The following CEPT1 variants were observed in gnomAD, a reference collection of about 807,000 sequenced individuals.
CEPT1 encodes choline/ethanolaminephosphotransferase 1.
A neutral mutation model predicts 42.6 loss-of-function variants in CEPT1; 7 were observed. The observed-to-expected ratio is 0.16, with a 90% CI of 0.09 to 0.31. The LOEUF is 0.31. CEPT1 is among the 10% of genes least tolerant of loss of function. The pLI is 1.00. For missense variants in CEPT1, 306 were observed against 502.1 expected (o/e 0.61, Z 3.73); for synonymous variants, 171 against 171.9 (o/e 0.99, Z 0.04).
Position 111,159,538 on chromosome 1 carries a change from T to C in CEPT1, c.487+11T>C, listed in dbSNP as rs1410114719. 1.2e-6 allele frequency: 2 copies of C among 1,601,170 alleles called. No homozygotes were observed. Among genetic ancestry groups the C allele is most frequent in the South Asian group, 2.3e-5 (2 of 88,612 alleles). On this transcript the variant is annotated intron_variant, in intron 3 of 8. Transcript: ENST00000357172. ...ATTCACTATCAACAGGTATTGTTGATTTTTTTAATGTTATTGATTATTAAC... is the reference window on the plus strand; with the variant it reads ...ATTCACTATCAACAGGTATTGTTGACTTTTTTAATGTTATTGATTATTAAC...
chr1:111,162,125 C>T (rs1210473266), intron 4 of CEPT1, among the ~76,000 whole-genome samples: 2 of 152,126 alleles, frequency 1.3e-5, no homozygotes, highest in Non-Finnish European at 1.5e-5. Flanking sequence ...CTGTGCTCTG[C>T]CAAGAAATAT....
chr1:111,169,451 T>C (rs1656309592), intron 4 of CEPT1, among the ~76,000 whole-genome samples: 1 of 152,172 alleles, frequency 6.6e-6, no homozygotes, highest in Non-Finnish European at 1.5e-5. Flanking sequence ...AAGTACCCGA[T>C]ATCTACTTTC....
chr1:111,168,995 C>T (rs2101351587), intron 4 of CEPT1, among the ~76,000 whole-genome samples: 1 of 152,278 alleles, frequency 6.6e-6, no homozygotes, highest in South Asian at 2.1e-4. Flanking sequence ...CTATACACAG[C>T]CTCCTGTATA....
At chr1:111,140,608 G>A (rs1298145627) in intron 1 of CEPT1, 3 of 152,706 alleles carry the variant, frequency 2.0e-5, no homozygotes, top group Admixed American at 2.0e-4. Context: ...GGGAGCCCAA[G>A]GTAGGGGTGG....
At chr1:111,157,522 G>A (rs774578352) in intron 2 of CEPT1, among the ~76,000 whole-genome samples, 4 of 152,174 alleles carry the variant, frequency 2.6e-5, no homozygotes, top group Non-Finnish European at 5.9e-5. Flanking sequence ...GATGGCTGCT[G>A]TGCAAGATAG....
chr1:111,183,710 T>C, intron 8 of CEPT1, 123 bp downstream of exon 8: 1 of 1,033,560 alleles, frequency 9.7e-7, no homozygotes, highest in Non-Finnish European at 1.4e-6. Context: ...ATGTCAGAAA[T>C]CCACATAAAT....
upstream of CEPT1, chr1:111,140,082 T>TG (rs1557911821): frequency 6.6e-6 from 1 of 152,322 alleles, no homozygotes; most frequent in East Asian, 1.9e-4. Flanking sequence ...GAAGCCCCTA[T>TG]GCTAAAAGGA....
intron 2 of CEPT1, among the ~76,000 whole-genome samples, chr1:111,154,720 T>C (rs781154509): frequency 6.6e-6 from 1 of 152,252 alleles, no homozygotes; most frequent in Non-Finnish European, 1.5e-5. Context: ...TATCAAATGC[T>C]TTTTCTGAGC....
At chr1:111,145,702 A>C (rs1654921900) in intron 1 of CEPT1, among the ~76,000 whole-genome samples, 1 of 152,136 alleles carries the variant, frequency 6.6e-6, no homozygotes, top group African/African-American at 2.4e-5. Context: ...CTGGGTTCAT[A>C]GTCCTCTAGC....
chr1:111,139,548 G>A (rs1557910175), upstream of CEPT1: 1 of 152,230 alleles, frequency 6.6e-6, no homozygotes, highest in Non-Finnish European at 1.5e-5. Flanking sequence ...TAGCTTTTGT[G>A]GGAAAGGGTT....
intron 2 of CEPT1, among the ~76,000 whole-genome samples, chr1:111,155,875 A>G (rs1204752009): frequency 1.3e-5 from 2 of 152,060 alleles, no homozygotes; most frequent in Admixed American, 6.5e-5. Context: ...ACATATGTGT[A>G]TATGTGTGTG....
intron 5 of CEPT1, among the ~76,000 whole-genome samples, chr1:111,177,301 CGTTTTT>C (rs1656730014): frequency 6.6e-6 from 1 of 152,060 alleles, no homozygotes; most frequent in South Asian, 2.1e-4. Context: ...CTGGGAGGGT[CGTTTTT>C]CCCTTGGGGA....
At chr1:111,167,252 C>T in intron 4 of CEPT1, 1 of 985,090 alleles carries the variant, frequency 1.0e-6, no homozygotes. Context: ...AAAGACAGCA[C>T]CTTTGTCATG....
rs370951780 is a variant in CEPT1 at position 111,176,247 on chromosome 1, A to T, written c.714+1284A>T. 8.5e-5 allele frequency among the ~76,000 whole-genome samples: 13 copies of T among 152,264 alleles called. No homozygotes were observed. The East Asian group carries it at 2.3e-3, about 27-fold the overall frequency. ...TATAGAGACCCTATTGGCTTTTGAG[A>T]CTAATGTGTAGGAAATACGAATTTT... On this transcript the variant is annotated intron_variant, in intron 5 of 8. Transcript: ENST00000357172.
At position 111,147,628 on chromosome 1, in the gene CEPT1, A is replaced by C. The variant is rs1655042870; in HGVS notation, c.-73-14A>C. 1.2e-6 allele frequency: 1 copy of C among 855,922 alleles called. No homozygotes were observed. The highest frequency in any genetic ancestry group is 1.7e-6 in the Non-Finnish European group (1 of 578,486). 53.0% of individuals were successfully genotyped at this position (855,922 alleles called of 1,614,324 possible). On this transcript the variant is annotated splice_polypyrimidine_tract_variant and intron_variant, in intron 1 of 8. Coordinates refer to ENST00000357172, the MANE Select transcript of CEPT1 (RefSeq NM_006090.5). ...AAGTGTATTTTTTAATTTTTATTTT[A>C]TTTTATTTTTTAGGTAAGCACCAGC...
At chr1:111,182,449 A>G in intron 6 of CEPT1, 131 bp downstream of exon 6, 1 of 1,063,984 alleles carries the variant, frequency 9.4e-7, no homozygotes, top group Non-Finnish European at 1.4e-6. Context: ...AAAGAAACTA[A>G]TGTTCAAAAC....
chr1:111,149,266 C>CTTTTTTTTTTTTTTTTTTT lies in CEPT1; in HGVS notation c.339+1227_339+1228insTTTTTTTTTTTTTTTTTTT, dbSNP rs775722606. 5.9e-3 allele frequency among the ~76,000 whole-genome samples: 757 copies of CTTTTTTTTTTTTTTTTTTT among 127,662 alleles called. 28 individuals carry two copies. Among genetic ancestry groups the CTTTTTTTTTTTTTTTTTTT allele is most frequent in the Non-Finnish European group, 9.9e-3 (615 of 62,202 alleles). 83.8% of individuals were successfully genotyped at this position (127,662 alleles called of 152,430 possible). On this transcript the variant is annotated intron_variant, in intron 2 of 8. Coordinates refer to ENST00000357172, the MANE Select transcript of CEPT1 (RefSeq NM_006090.5). ...ATAGATGTAAAATCTGGTTTCTCCT[C>CTTTTTTTTTTTTTTTTTTT]TTTTTTTTTTTTTTGAGACAGGGTC...
At chr1:111,154,939 G>C (rs1031646670) in intron 2 of CEPT1, among the ~76,000 whole-genome samples, 46 of 152,244 alleles carry the variant, frequency 3.0e-4, no homozygotes, top group African/African-American at 1.1e-3. Flanking sequence ...ATACTGGCTT[G>C]TGGTTTTCTT....
intron 2 of CEPT1, among the ~76,000 whole-genome samples, chr1:111,157,378 A>G (rs1655626204): frequency 6.6e-6 from 1 of 152,202 alleles, no homozygotes; most frequent in African/African-American, 2.4e-5. Flanking sequence ...GGCATGTTCT[A>G]TGTCTGTGAG....
Sources: gnomAD v4.1 joint callset for allele counts (sites outside exome capture counted in the v4.1 genomes callset) on GRCh38, gnomAD v4.1.1 for gene constraint, MANE v1.5 for transcripts, NCBI Gene and HGNC (gene_info 2026-07-23, HGNC 2026-07-21) for gene names.